ATL1: variants seen among roughly 807,000 people sequenced by gnomAD.
The protein encoded by ATL1 is atlastin-1.
ATL1 carries 31 observed loss-of-function variants against 75.5 expected under a neutral mutation model. The ratio of observed to expected loss-of-function variants is 0.41; its 90% CI spans 0.31 to 0.55. The LOEUF is 0.55. ATL1 is among the 20% of genes least tolerant of loss of function. The pLI is 0.27. For synonymous variants in ATL1, 226 were observed against 233.3 expected (o/e 0.97, Z 0.28); for missense variants, 405 against 662.6 (o/e 0.61, Z 4.27).
At chr14:50,593,454 A>G (rs183804523) in intron 4 of ATL1, among the ~76,000 whole-genome samples, 1 of 152,276 alleles carries the variant, frequency 6.6e-6, no homozygotes, top group Non-Finnish European at 1.5e-5. Context: ...ACATAAATAA[A>G]ATGATTAATT....
chr14:50,616,446 C>T (rs1375813010), intron 8 of ATL1, among the ~76,000 whole-genome samples: 1 of 149,994 alleles, frequency 6.7e-6, no homozygotes, highest in Non-Finnish European at 1.5e-5. Flanking sequence ...GAGTGTGCCA[C>T]CATGCCCGGT....
intron 6 of ATL1, among the ~76,000 whole-genome samples, chr14:50,604,093 AT>A (rs2039295306): frequency 9.0e-6 from 1 of 111,508 alleles, no homozygotes; most frequent in Non-Finnish European, 2.1e-5. Flanking sequence ...TTACAGTTCT[AT>A]AAAAAAACTA....
chr14:50,544,674 T>A (rs1039205301), intron 1 of ATL1, among the ~76,000 whole-genome samples: 8 of 151,998 alleles, frequency 5.3e-5, no homozygotes, highest in Non-Finnish European at 1.0e-4. Flanking sequence ...TGGCTCACAC[T>A]TGTAATCTCA....
upstream of ATL1, among the ~76,000 whole-genome samples, chr14:50,556,665 T>A (rs2038768908): frequency 6.6e-6 from 1 of 152,170 alleles, no homozygotes; most frequent in South Asian, 2.1e-4. Context: ...CTTTCTTCCA[T>A]CCCTAAGCAA....
At chr14:50,590,179 C>T (rs2039142448) in intron 2 of ATL1, among the ~76,000 whole-genome samples, 1 of 152,122 alleles carries the variant, frequency 6.6e-6, no homozygotes. Flanking sequence ...TATTTTTGAC[C>T]TTTATTATAG....
At chr14:50,596,425 A>G (rs1240133282) in intron 6 of ATL1, among the ~76,000 whole-genome samples, 2 of 152,270 alleles carry the variant, frequency 1.3e-5, no homozygotes, top group African/African-American at 4.8e-5. Context: ...TTGATAAGTC[A>G]AGTAAACAGA....
At chr14:50,568,755 G>A (rs1042019357) in intron 1 of ATL1, among the ~76,000 whole-genome samples, 1 of 151,884 alleles carries the variant, frequency 6.6e-6, no homozygotes, top group Admixed American at 6.6e-5. Context: ...CTCATTTCCT[G>A]CATTACTGCG....
At chr14:50,574,476 C>T (rs2038982538) in intron 1 of ATL1, among the ~76,000 whole-genome samples, 1 of 152,150 alleles carries the variant, frequency 6.6e-6, no homozygotes, top group Admixed American at 6.5e-5. Flanking sequence ...GAGCATGACA[C>T]AGACAAAATT....
intron 6 of ATL1, among the ~76,000 whole-genome samples, chr14:50,604,244 C>T (rs1168701013): frequency 6.6e-6 from 1 of 152,146 alleles, no homozygotes; most frequent in African/African-American, 2.4e-5. Flanking sequence ...GGCCACAGCT[C>T]AGAGCCCTTG....
chr14:50,603,585 A>C (rs2039290566), intron 6 of ATL1, among the ~76,000 whole-genome samples: 1 of 152,092 alleles, frequency 6.6e-6, no homozygotes, highest in Non-Finnish European at 1.5e-5. Context: ...GAATTATTTT[A>C]CTCTAGTTTG....
intron 6 of ATL1, among the ~76,000 whole-genome samples, chr14:50,603,172 A>G (rs1260900395): frequency 6.6e-6 from 1 of 152,158 alleles, no homozygotes; most frequent in African/African-American, 2.4e-5. Context: ...TAGAAGGCTT[A>G]TTTCTTTCTT....
At chr14:50,606,513 C>G (rs1283427243) in intron 6 of ATL1, among the ~76,000 whole-genome samples, 2 of 151,864 alleles carry the variant, frequency 1.3e-5, no homozygotes, top group Non-Finnish European at 2.9e-5. Flanking sequence ...CTGACAATTA[C>G]TGATTTTGTA....
At chr14:50,622,595 G>A (rs1187380074) in intron 10 of ATL1, among the ~76,000 whole-genome samples, 1 of 152,130 alleles carries the variant, frequency 6.6e-6, no homozygotes, top group African/African-American at 2.4e-5. Context: ...GAACCCAGGA[G>A]ATGGAGGTTG....
At chr14:50,626,619 A>G (rs2039522877) in intron 11 of ATL1, among the ~76,000 whole-genome samples, 1 of 152,238 alleles carries the variant, frequency 6.6e-6, no homozygotes, top group Admixed American at 6.5e-5. Context: ...AGGGTTTAGA[A>G]TATTTTTTAT....
chr14:50,624,654 AAAT>A (rs2039499599), intron 11 of ATL1, among the ~76,000 whole-genome samples: 1 of 152,118 alleles, frequency 6.6e-6, no homozygotes, highest in African/African-American at 2.4e-5. Flanking sequence ...CAAAAGCTAG[AAAT>A]GACTAAGCTT....
chr14:50,623,876 C>A (rs551912603), intron 11 of ATL1, among the ~76,000 whole-genome samples: 1 of 151,412 alleles, frequency 6.6e-6, no homozygotes, highest in Admixed American at 6.6e-5. Context: ...CATGGTGAAA[C>A]CCTCTCTCTA....
intron 2 of ATL1, among the ~76,000 whole-genome samples, chr14:50,590,633 T>C (rs2039147088): frequency 6.6e-6 from 1 of 152,228 alleles, no homozygotes; most frequent in Admixed American, 6.5e-5. Flanking sequence ...TACTTCCATT[T>C]TGGCATGCAT....
chr14:50,589,469 T>C (rs1402037063), intron 2 of ATL1, among the ~76,000 whole-genome samples: 4 of 152,152 alleles, frequency 2.6e-5, no homozygotes, highest in African/African-American at 7.2e-5. Context: ...GATCGACGTA[T>C]TTCTAAGTGT....
intron 1 of ATL1, among the ~76,000 whole-genome samples, chr14:50,543,706 G>A (rs964425036): frequency 2.6e-5 from 4 of 152,148 alleles, no homozygotes; most frequent in African/African-American, 9.7e-5. Context: ...ATTATATGTT[G>A]TCATCTACTC....
Sources: allele counts gnomAD v4.1 joint callset (sites outside exome capture counted in the v4.1 genomes callset), GRCh38; gene constraint gnomAD v4.1.1; transcripts MANE v1.5; gene names NCBI Gene and HGNC (gene_info 2026-07-23, HGNC 2026-07-21).